Variants in TLE4 observed in about 807,000 individuals in gnomAD.
TLE4 encodes transducin-like enhancer protein 4.
A neutral mutation model predicts 92.8 loss-of-function variants in TLE4; 8 were observed. That is an observed-to-expected ratio of 0.09 (90% CI 0.05 to 0.16). The LOEUF is 0.16. Among genes scored for constraint, TLE4 ranks in the 10% least tolerant of loss-of-function variants. TLE4 has a pLI of 1.00. For synonymous variants in TLE4, 371 were observed against 374.1 expected (o/e 0.99, Z 0.10); for missense variants, 675 against 997.6 (o/e 0.68, Z 4.36).
chr9:79,719,095 G>A (rs2075119838), intron 15 of TLE4, 124 bp downstream of exon 15: 2 of 1,382,358 alleles, frequency 1.4e-6, no homozygotes, highest in African/African-American at 1.5e-5. Context: ...TGCTCTTCAG[G>A]GGACTGCGAT....
At chr9:79,724,681 A>C (rs1470504646) in intron 19 of TLE4, among the ~76,000 whole-genome samples, 1 of 151,650 alleles carries the variant, frequency 6.6e-6, no homozygotes, top group African/African-American at 2.4e-5. Flanking sequence ...CTCTCTCTAC[A>C]AAAAAAGTTT....
intron 4 of TLE4, among the ~76,000 whole-genome samples, chr9:79,598,075 GAAAAAAAAA>G (rs748860967): frequency 9.1e-5 from 6 of 65,736 alleles, no homozygotes; most frequent in Non-Finnish European, 1.2e-4. Flanking sequence ...TACTGAAAAA[GAAAAAAAAA>G]AAAAAAAAAA....
chr9:79,582,332 T>G (rs1443949621), intron 4 of TLE4, among the ~76,000 whole-genome samples: 2 of 152,174 alleles, frequency 1.3e-5, no homozygotes, highest in African/African-American at 4.8e-5. Context: ...TATTATTTAT[T>G]TGTATTTATT....
At chr9:79,630,152 A>T (rs2053796136) in intron 6 of TLE4, among the ~76,000 whole-genome samples, 1 of 152,224 alleles carries the variant, frequency 6.6e-6, no homozygotes. Context: ...AGACAAGAGC[A>T]AATGTTCCCA....
intron 4 of TLE4, among the ~76,000 whole-genome samples, chr9:79,582,952 G>A (rs1377057671): frequency 1.3e-5 from 2 of 152,126 alleles, no homozygotes; most frequent in Non-Finnish European, 2.9e-5. Context: ...GCAAGGCTTA[G>A]GACTTGTTCA....
At chr9:79,692,826 C>T (rs1186540332) in intron 8 of TLE4, among the ~76,000 whole-genome samples, 1 of 152,156 alleles carries the variant, frequency 6.6e-6, no homozygotes, top group Non-Finnish European at 1.5e-5. Context: ...CTTAAAGGCA[C>T]AGCCTCCAAA....
chr9:79,636,813 T>G (rs564683268), intron 6 of TLE4, among the ~76,000 whole-genome samples: 2 of 152,286 alleles, frequency 1.3e-5, no homozygotes, highest in Admixed American at 1.3e-4. Context: ...GCGATAGGTA[T>G]CTCATAATTT....
At chr9:79,596,494 G>A (rs545145276) in intron 4 of TLE4, among the ~76,000 whole-genome samples, 1 of 152,276 alleles carries the variant, frequency 6.6e-6, no homozygotes, top group South Asian at 2.1e-4. Context: ...TCAGTGAGGA[G>A]GCACTTGTCT....
chr9:79,591,162 T>C (rs1013978846), intron 4 of TLE4, among the ~76,000 whole-genome samples: 2 of 152,190 alleles, frequency 1.3e-5, no homozygotes, highest in Non-Finnish European at 2.9e-5. Context: ...GTAAAAAATA[T>C]AAAGCAGTGC....
intron 4 of TLE4, among the ~76,000 whole-genome samples, chr9:79,578,952 A>AG (rs1380531761): frequency 1.3e-5 from 2 of 152,118 alleles, no homozygotes; most frequent in Non-Finnish European, 2.9e-5. Context: ...CAAAAAAAAA[A>AG]AAAAGGATGA....
intron 6 of TLE4, among the ~76,000 whole-genome samples, chr9:79,634,069 A>G (rs2055067595): frequency 6.6e-6 from 1 of 152,208 alleles, no homozygotes; most frequent in South Asian, 2.1e-4. Flanking sequence ...TCTTTAGTGA[A>G]TAGCAAGAGT....
intron 8 of TLE4, among the ~76,000 whole-genome samples, chr9:79,660,644 A>C (rs12337256): frequency 0.21 from 31,839 of 152,244 alleles, 4,146 homozygotes; most frequent in African/African-American, 0.37. Flanking sequence ...GTTTTGTTCT[A>C]TGAATCTATG....
In TLE4 at chr9:79,654,224, T is replaced by TGATTTTTTCA. The variant is rs2059432175; in HGVS notation, c.609+150_609+151insATTTTTTCAG. On this transcript the variant is annotated intron_variant, in intron 8 of 19. Coordinates refer to ENST00000376552, the MANE Select transcript of TLE4 (RefSeq NM_007005.6). Reference sequence around the variant, plus strand: ...ATTTTTAAAATTACTTTCAGGTGTGTGGTTGATTTTTTTTTTTTTTTTTTA... The same window carrying TGATTTTTTCA: ...ATTTTTAAAATTACTTTCAGGTGTGTGATTTTTTCAGGTTGATTTTTTTTTTTTTTTTTTA... The TGATTTTTTCA allele has an allele frequency of 4.1e-6, 3 of 738,826 alleles. No homozygotes were observed. The Admixed American group carries it at 1.1e-4, about 26-fold the overall frequency. The allele number at this position is 738,826 out of a possible 1,614,324, so 45.8% of individuals were successfully genotyped here.
intron 4 of TLE4, among the ~76,000 whole-genome samples, chr9:79,609,112 A>G (rs1213887666): frequency 2.0e-5 from 3 of 152,132 alleles, no homozygotes; most frequent in Non-Finnish European, 4.4e-5. Context: ...TCTTTTCAAC[A>G]CATGACATCA....
At chr9:79,680,456 T>G (rs533231603) in intron 8 of TLE4, among the ~76,000 whole-genome samples, 2 of 152,298 alleles carry the variant, frequency 1.3e-5, no homozygotes, top group Non-Finnish European at 2.9e-5. Context: ...AGAATGCTTG[T>G]GATTTTTGCA....
chr9:79,625,229 C>T (rs1296428277), intron 5 of TLE4, among the ~76,000 whole-genome samples: 9 of 151,334 alleles, frequency 5.9e-5, no homozygotes, highest in African/African-American at 2.2e-4. Context: ...CCGTTTTAGC[C>T]GGGATGGTCT....
chr9:79,663,326 T>C (rs554145586), intron 8 of TLE4: 1 of 152,322 alleles, frequency 6.6e-6, no homozygotes, highest in African/African-American at 2.4e-5. Context: ...TAGCCACTAG[T>C]CACATGAAGC....
At chr9:79,660,685 C>A (rs972912716) in intron 8 of TLE4, among the ~76,000 whole-genome samples, 1 of 152,166 alleles carries the variant, frequency 6.6e-6, no homozygotes, top group Non-Finnish European at 1.5e-5. Flanking sequence ...TTAATTGATA[C>A]CTGCCTCTAG....
chr9:79,583,415 T>C (rs1479644070), intron 4 of TLE4, among the ~76,000 whole-genome samples: 3 of 152,116 alleles, frequency 2.0e-5, no homozygotes, highest in Non-Finnish European at 4.4e-5. Flanking sequence ...ATTTCAAGAA[T>C]TGTATGGTGG....
Sources: allele counts gnomAD v4.1 joint callset (sites outside exome capture counted in the v4.1 genomes callset), GRCh38; gene constraint gnomAD v4.1.1; transcripts MANE v1.5; gene names NCBI Gene and HGNC (gene_info 2026-07-23, HGNC 2026-07-21).